MARCHF10: variants seen among roughly 807,000 people sequenced by gnomAD.
MARCHF10 encodes the protein membrane associated ring-CH-type finger 10.
Under a neutral mutation model 76.2 loss-of-function variants are expected in MARCHF10, and 64 were observed. That is an observed-to-expected ratio of 0.84 (90% CI 0.69 to 1.03). MARCHF10 has a LOEUF of 1.03. Among genes scored for constraint, MARCHF10 ranks in the 50% least tolerant of loss-of-function variants. MARCHF10 has a pLI of 0.00. For synonymous variants in MARCHF10, 340 were observed against 357.5 expected, an observed-to-expected ratio of 0.95 and a Z score of 0.55; for missense variants, 875 against 958.0, an observed-to-expected ratio of 0.91 and a Z score of 1.14.
At chr17:62,731,745 A>G (rs1599133702) in intron 6 of MARCHF10, among the ~76,000 whole-genome samples, 1 of 152,310 alleles carries the variant, frequency 6.6e-6, no homozygotes, top group African/African-American at 2.4e-5. Flanking sequence ...CAGCAGTTAC[A>G]CATTTAGGAA....
At chr17:62,765,010 A>G (rs965333969) in intron 3 of MARCHF10, among the ~76,000 whole-genome samples, 2 of 152,098 alleles carry the variant, frequency 1.3e-5, no homozygotes, top group African/African-American at 4.8e-5. Flanking sequence ...GGAGCTGGGT[A>G]AGACTAGGCA....
chr17:62,728,972 A>G (rs2090889162), intron 6 of MARCHF10, among the ~76,000 whole-genome samples: 1 of 152,142 alleles, frequency 6.6e-6, no homozygotes, highest in South Asian at 2.1e-4. Flanking sequence ...GTCTCACTCT[A>G]TTGTCCAGGC....
intron 5 of MARCHF10, 72 bp downstream of exon 5, chr17:62,744,304 G>T (rs139666358): frequency 6.7e-7 from 1 of 1,498,618 alleles, no homozygotes; most frequent in African/African-American, 1.4e-5. Flanking sequence ...AAACCATAAA[G>T]AATTCACCGG....
chr17:62,760,289 C>G (rs572773927), intron 3 of MARCHF10, among the ~76,000 whole-genome samples: 46 of 152,128 alleles, frequency 3.0e-4, no homozygotes, highest in Non-Finnish European at 5.6e-4. Context: ...GCATTTCTGA[C>G]CCTTAAGTAA....
intron 9 of MARCHF10, among the ~76,000 whole-genome samples, chr17:62,706,772 C>T (rs578013745): frequency 6.6e-6 from 1 of 152,176 alleles, no homozygotes; most frequent in South Asian, 2.1e-4. Context: ...TCCAGGAGAT[C>T]GTTGTAATAA....
chr17:62,800,304 A>AT, intron 2 of MARCHF10, among the ~76,000 whole-genome samples: 1 of 152,132 alleles, frequency 6.6e-6, no homozygotes, highest in Non-Finnish European at 1.5e-5. Flanking sequence ...TATAAGATTG[A>AT]TTTTTTCCTA....
At chr17:62,757,971 C>T (rs2092094221) in intron 4 of MARCHF10, among the ~76,000 whole-genome samples, 1 of 152,172 alleles carries the variant, frequency 6.6e-6, no homozygotes, top group African/African-American at 2.4e-5. Context: ...ATTAGACAAA[C>T]TAAAGCATTG....
At chr17:62,764,886 A>C (rs1159768064) in intron 3 of MARCHF10, among the ~76,000 whole-genome samples, 1 of 152,186 alleles carries the variant, frequency 6.6e-6, no homozygotes, top group Non-Finnish European at 1.5e-5. Context: ...TTGGACAATA[A>C]AGAACGAGGC....
In MARCHF10 at chr17:62,711,794, C is replaced by T. The variant is rs556874473; in HGVS notation, c.2215-450G>A. Among the ~76,000 whole-genome samples, 1 of 152,320 alleles carries T rather than the reference C, an allele frequency of 6.6e-6. No homozygotes were observed. The highest frequency in any genetic ancestry group is 2.1e-4 in the South Asian group (1 of 4,826). The stretch of plus-strand genomic sequence containing the variant: ...CAACAGAGATGCACCAGGCCTTGTC[C>T]ATAACGTTCTCAGCAGTCACAGATG... On this transcript the variant is annotated intron_variant, in intron 8 of 10. Coordinates refer to ENST00000311269, the MANE Select transcript of MARCHF10 (RefSeq NM_152598.4). This position sits in a 1 kb window ranked among gnomAD's most constrained non-coding sequence, Gnocchi z 4.4.
At chr17:62,756,814 C>T (rs552275745) in intron 4 of MARCHF10, among the ~76,000 whole-genome samples, 3 of 152,288 alleles carry the variant, frequency 2.0e-5, no homozygotes, top group East Asian at 3.9e-4. Flanking sequence ...GACTCCAAAA[C>T]ACTTGCCCAT....
intron 6 of MARCHF10, among the ~76,000 whole-genome samples, chr17:62,732,634 T>C (rs1199899737): frequency 2.6e-5 from 4 of 152,146 alleles, no homozygotes; most frequent in Non-Finnish European, 4.4e-5. Flanking sequence ...ATAGGAAGAA[T>C]AGCATAACGA....
At chr17:62,796,018 T>C (rs1274462061) in intron 2 of MARCHF10, among the ~76,000 whole-genome samples, 1 of 152,056 alleles carries the variant, frequency 6.6e-6, no homozygotes, top group African/African-American at 2.4e-5. Context: ...CTTTTTTTTT[T>C]TTTTGAGACA....
In MARCHF10 at chr17:62,711,652, G is replaced by A. The variant is rs144202088; in HGVS notation, c.2215-308C>T. Among the ~76,000 whole-genome samples, 75 of 152,334 alleles carry A rather than the reference G, an allele frequency of 4.9e-4. 1 individual carries two copies. Among genetic ancestry groups the A allele is most frequent in the African/African-American group, 1.7e-3 (69 of 41,582 alleles). Reference sequence around the variant, plus strand: ...TATGCAAAGCCTTGAGCTGGATGTTGTGGGGAACACAGGGCAAAAAGCCTC... The same window carrying A: ...TATGCAAAGCCTTGAGCTGGATGTTATGGGGAACACAGGGCAAAAAGCCTC... On this transcript the variant is annotated intron_variant, in intron 8 of 10. Transcript: ENST00000311269. The surrounding 1 kb of genome is among the most constrained non-coding windows in gnomAD (Gnocchi z 4.4).
At chr17:62,720,860 A>ATTTTTTTTT (rs56688878) in intron 8 of MARCHF10, among the ~76,000 whole-genome samples, 7 of 88,038 alleles carry the variant, frequency 8.0e-5, no homozygotes, top group East Asian at 3.3e-4. Flanking sequence ...GTAAGTTGTG[A>ATTTTTTTTT]TTTTTTTTTT....
chr17:62,802,017 T>C (rs368765536), intron 1 of MARCHF10, among the ~76,000 whole-genome samples: 2 of 152,172 alleles, frequency 1.3e-5, no homozygotes, highest in East Asian at 1.9e-4. Context: ...GGGAGTTAGA[T>C]TGACAGACAC....
chr17:62,777,047 C>T (rs2092565450), intron 3 of MARCHF10, among the ~76,000 whole-genome samples: 1 of 152,206 alleles, frequency 6.6e-6, no homozygotes, highest in Non-Finnish European at 1.5e-5. Context: ...AAACCATTCT[C>T]CCGTCAATCA....
At chr17:62,743,378 T>C (rs2091585515) in intron 5 of MARCHF10, among the ~76,000 whole-genome samples, 1 of 152,214 alleles carries the variant, frequency 6.6e-6, no homozygotes, top group Admixed American at 6.5e-5. Flanking sequence ...CCGGGTGCCA[T>C]GGCTCACGCC....
chr17:62,764,192 C>T (rs1050463032), intron 3 of MARCHF10, among the ~76,000 whole-genome samples: 3 of 152,096 alleles, frequency 2.0e-5, no homozygotes, highest in Non-Finnish European at 4.4e-5. Flanking sequence ...AGAGATGACC[C>T]GAAGAGCAAG....
intron 6 of MARCHF10, among the ~76,000 whole-genome samples, chr17:62,731,114 CA>C (rs1382612054): frequency 6.6e-6 from 1 of 151,960 alleles, no homozygotes; most frequent in African/African-American, 2.4e-5. Context: ...CTAAGCATGG[CA>C]CCAAATGTGA....
Sources: gnomAD v4.1 joint callset for allele counts (sites outside exome capture counted in the v4.1 genomes callset) on GRCh38, gnomAD v4.1.1 for gene constraint, Gnocchi (gnomAD v3.1) non-coding constraint, MANE v1.5 for transcripts, NCBI Gene and HGNC (gene_info 2026-07-23, HGNC 2026-07-21) for gene names.